The following SLC9A7 variants were observed in gnomAD, a reference collection of about 807,000 sequenced individuals.
SLC9A7 encodes sodium/hydrogen exchanger 7.
Under a neutral mutation model 52.6 loss-of-function variants are expected in SLC9A7, and 19 were observed. That is an observed-to-expected ratio of 0.36 (90% CI 0.25 to 0.53). The LOEUF (loss-of-function observed/expected upper bound fraction) is 0.53, where lower values mean the gene tolerates loss of function less well. Ranked by LOEUF, SLC9A7 falls within the 20% of genes least tolerant of loss-of-function variation. The probability of loss-of-function intolerance (pLI) is 0.91; values close to 1 mark genes in which losing one functional copy is unlikely to be tolerated. For synonymous variants in SLC9A7, 226 were observed against 252.1 expected, an observed-to-expected ratio of 0.90 and a Z score of 0.98; for missense variants, 455 against 597.9, an observed-to-expected ratio of 0.76 and a Z score of 2.49.
intron 15 of SLC9A7, among the ~76,000 whole-genome samples, chrX:46,617,340 A>G (rs1173922631): frequency 8.9e-6 from 1 of 112,056 alleles, no homozygotes; most frequent in Non-Finnish European, 1.9e-5. Flanking sequence ...AGGATTAATC[A>G]AAAAGTACAT....
chrX:46,673,423 C>T (rs1275346130), intron 3 of SLC9A7, among the ~76,000 whole-genome samples: 2 of 111,328 alleles, frequency 1.8e-5, no homozygotes, highest in African/African-American at 6.5e-5. Context: ...GAAGGATTTA[C>T]TTCTTACAAG....
At chrX:46,704,903 G>T (rs184500263) in intron 1 of SLC9A7, among the ~76,000 whole-genome samples, 1 of 111,388 alleles carries the variant, frequency 9.0e-6, no homozygotes, top group Admixed American at 9.5e-5. Context: ...AAGCCAACCA[G>T]GCTGTAACAA....
chrX:46,675,565 C>A (rs763508379), intron 3 of SLC9A7, among the ~76,000 whole-genome samples: 1 of 112,352 alleles, frequency 8.9e-6, no homozygotes, highest in African/African-American at 3.2e-5. Context: ...ATGCTGGGCA[C>A]TTTAGGCCTC....
chrX:46,725,163 G>T lies in SLC9A7; in HGVS notation c.325+33542C>A. The stretch of plus-strand genomic sequence containing the variant: ...ATATACTTGAATGATGCCAATCTAT[G>T]AAGTAGGGATCTGTGGCAATCCAAA... On this transcript the variant is annotated intron_variant, in intron 1 of 16. Coordinates refer to ENST00000616978, the MANE Select transcript of SLC9A7 (RefSeq NM_001257291.2). 7 of 754,043 alleles carry T rather than the reference G, an allele frequency of 9.3e-6. No individual in the cohort carries two copies. In the South Asian group the frequency reaches 1.5e-4, roughly 16 times the overall value. The allele number at this position is 754,043 out of a possible 1,213,427, so 62.1% of individuals were successfully genotyped here.
intron 14 of SLC9A7, among the ~76,000 whole-genome samples, chrX:46,624,191 G>A (rs910916413): frequency 1.9e-5 from 2 of 107,293 alleles, no homozygotes; most frequent in African/African-American, 7.0e-5. Context: ...TGTGTTCTGT[G>A]AGTCATTCTA....
At chrX:46,717,794 G>C (rs961728090) in intron 1 of SLC9A7, among the ~76,000 whole-genome samples, 9 of 111,719 alleles carry the variant, frequency 8.1e-5, no homozygotes, top group African/African-American at 2.9e-4. Context: ...TGAAATAAAA[G>C]AGGACACAAA....
chrX:46,620,119 C>T (rs763236943), intron 15 of SLC9A7, among the ~76,000 whole-genome samples: 1 of 111,715 alleles, frequency 9.0e-6, no homozygotes, highest in Non-Finnish European at 1.9e-5. Context: ...ATGACTATGT[C>T]AACTTAAGAA....
In SLC9A7 at chrX:46,605,804, G is replaced by A. The variant is rs921870962; in HGVS notation, c.*1148C>T. The A allele has an allele frequency of 5.4e-5, 6 of 111,608 alleles. No homozygotes were observed. The highest frequency in any genetic ancestry group is 2.0e-4 in the African/African-American group (6 of 30,653). The allele number at this position is 111,608 out of a possible 1,213,427, so 9.2% of individuals were successfully genotyped here. On this transcript the variant is annotated 3_prime_UTR_variant, in exon 17 of 17. Transcript: ENST00000616978. Reference sequence around the variant, plus strand: ...TGGTGTTATTTCTAAACCCAGAGTAGATACTTCAGTCCTAGTGATTATTTC... The same window carrying A: ...TGGTGTTATTTCTAAACCCAGAGTAAATACTTCAGTCCTAGTGATTATTTC...
intron 7 of SLC9A7, among the ~76,000 whole-genome samples, chrX:46,654,982 CTTTTTTTTTT>C (rs60881484): frequency 2.4e-5 from 2 of 83,623 alleles, no homozygotes; most frequent in African/African-American, 4.7e-5. Context: ...TTCTTTCTTT[CTTTTTTTTTT>C]TTTTTTTTTT....
At chrX:46,626,251 A>G (rs961201225) in intron 14 of SLC9A7, among the ~76,000 whole-genome samples, 3 of 112,556 alleles carry the variant, frequency 2.7e-5, no homozygotes, top group Non-Finnish European at 5.6e-5. Context: ...TAAATAAATG[A>G]TGTCACTTGA....
At chrX:46,650,524 T>A in intron 10 of SLC9A7, among the ~76,000 whole-genome samples, 1 of 110,747 alleles carries the variant, frequency 9.0e-6, no homozygotes, top group Middle Eastern at 4.6e-3. Context: ...GAAAGAGTCT[T>A]TCCCACCATG....
At chrX:46,616,448 G>A (rs748683448) in intron 15 of SLC9A7, among the ~76,000 whole-genome samples, 1 of 111,404 alleles carries the variant, frequency 9.0e-6, no homozygotes, top group South Asian at 3.8e-4. Context: ...AGTGGTTGGA[G>A]CAATATAAAA....
rs190204873 is a variant in SLC9A7 at position 46,700,858 on chromosome X, C to T, written c.326-18323G>A. Among the ~76,000 whole-genome samples the T allele has an allele frequency of 1.2e-4, 13 of 111,709 alleles. No individual in the cohort carries two copies. The East Asian group carries it at 3.4e-3, about 29-fold the overall frequency. ...CTTTTACAGATGAGAAGTTAAGGTA[C>T]CATTGCTCTAACACAGGGTCCCTAA... is the stretch of plus-strand genomic sequence containing the variant. On this transcript the variant is annotated intron_variant, in intron 1 of 16. Coordinates refer to ENST00000616978, the MANE Select transcript of SLC9A7 (RefSeq NM_001257291.2).
At chrX:46,677,975 T>C (rs1944145869) in intron 3 of SLC9A7, among the ~76,000 whole-genome samples, 1 of 112,163 alleles carries the variant, frequency 8.9e-6, no homozygotes, top group African/African-American at 3.2e-5. Flanking sequence ...CCAGATTTAT[T>C]TTTCTTTTTT....
At position 46,601,518 on chromosome X, in the gene SLC9A7, A is replaced by T. The variant is rs967255330; in HGVS notation, c.*5434T>A. The T allele has an allele frequency of 1.8e-5, 2 of 112,499 alleles. No individual in the cohort carries two copies. The highest frequency in any genetic ancestry group is 9.4e-5 in the Admixed American group (1 of 10,607). 9.3% of individuals were successfully genotyped at this position (112,499 alleles called of 1,213,427 possible). On this transcript the variant is annotated 3_prime_UTR_variant, in exon 17 of 17. Coordinates refer to ENST00000616978, the MANE Select transcript of SLC9A7 (RefSeq NM_001257291.2). ...TTTGCATGTTTTCTAAAGAGATTCC[A>T]TTTGTCAGCCAAACCACAGAGGACA...
intron 13 of SLC9A7, among the ~76,000 whole-genome samples, chrX:46,634,822 T>C (rs1943293302): frequency 9.0e-6 from 1 of 111,274 alleles, no homozygotes; most frequent in Non-Finnish European, 1.9e-5. Context: ...CTCAAGGAAG[T>C]GAGATATTCT....
intron 1 of SLC9A7, among the ~76,000 whole-genome samples, chrX:46,731,787 G>A (rs1483392160): frequency 9.1e-6 from 1 of 109,531 alleles, no homozygotes. Context: ...AAACTCCTAG[G>A]ACTCAAGAGA....
chrX:46,748,566 T>TACAC (rs753550243), intron 1 of SLC9A7, among the ~76,000 whole-genome samples: 31 of 92,617 alleles, frequency 3.3e-4, no homozygotes, highest in East Asian at 3.6e-4. Flanking sequence ...TGTGTGCGTG[T>TACAC]ACACACACAC....
At chrX:46,704,359 T>C (rs865861011) in intron 1 of SLC9A7, among the ~76,000 whole-genome samples, 3 of 112,498 alleles carry the variant, frequency 2.7e-5, no homozygotes, top group Admixed American at 9.4e-5. Flanking sequence ...CAAATAATAG[T>C]AACAGATTAT....
Sources: gnomAD v4.1 joint callset for allele counts (sites outside exome capture counted in the v4.1 genomes callset) on GRCh38, gnomAD v4.1.1 for gene constraint, MANE v1.5 for transcripts, NCBI Gene and HGNC (gene_info 2026-07-23, HGNC 2026-07-21) for gene names.